The following NEMF variants were observed in gnomAD, a reference collection of about 807,000 sequenced individuals.
NEMF encodes the protein nuclear export mediator factor.
A neutral mutation model predicts 162.2 loss-of-function variants in NEMF; 89 were observed. The observed-to-expected ratio is 0.55, with a 90% confidence interval of 0.46 to 0.65. The LOEUF (loss-of-function observed/expected upper bound fraction) is 0.65. Ranked by LOEUF, NEMF falls within the 30% of genes least tolerant of loss-of-function variation. The probability of loss-of-function intolerance (pLI) is 0.00; values close to 1 mark genes in which losing one functional copy is unlikely to be tolerated. For missense variants in NEMF, 1,133 were observed against 1,261.9 expected (o/e 0.90, Z 1.55); for synonymous variants, 421 against 404.5 (o/e 1.04, Z -0.49).
intron 16 of NEMF, among the ~76,000 whole-genome samples, chr14:49,815,860 A>G (rs1013673204): frequency 3.4e-4 from 52 of 152,238 alleles, no homozygotes; most frequent in South Asian, 1.2e-3. Flanking sequence ...CCTACTCGGG[A>G]GGCTAAGGCA....
At position 49,833,516 on chromosome 14, in the gene NEMF, A is replaced by G. The variant is rs1566696961; in HGVS notation, c.662-20T>C. The G allele has an allele frequency of 2.0e-6, 3 of 1,517,434 alleles. No homozygotes were observed. Among genetic ancestry groups the G allele is most frequent in the Admixed American group, 1.9e-5 (1 of 53,532 alleles). 94.0% of individuals were successfully genotyped at this position (1,517,434 alleles called of 1,614,324 possible). On this transcript the variant is annotated intron_variant, in intron 7 of 32. Coordinates refer to ENST00000298310, the MANE Select transcript of NEMF (RefSeq NM_004713.6). ...CAATATCTAATGGTGGGGGAAAAAA[A>G]GGAAAAAAGGAGTGCCAATCAAGTG...
chr14:49,831,174 G>A (rs1217805991), intron 11 of NEMF, 125 bp downstream of exon 11: 3 of 587,240 alleles, frequency 5.1e-6, no homozygotes, highest in Non-Finnish European at 9.1e-6. Context: ...TAAATAAAGA[G>A]GCAGGTCAGA....
At chr14:49,793,458 T>G (rs1270260156) in intron 26 of NEMF, among the ~76,000 whole-genome samples, 2 of 152,150 alleles carry the variant, frequency 1.3e-5, no homozygotes, top group African/African-American at 4.8e-5. Flanking sequence ...GCGGGCAGAT[T>G]GCTCAGTTAT....
chr14:49,839,416 T>G (rs1893083185), intron 5 of NEMF: 1 of 152,168 alleles, frequency 6.6e-6, no homozygotes, highest in African/African-American at 2.4e-5. Context: ...ACTAGTTAAG[T>G]GAAGCAGTGG....
chr14:49,842,413 T>C lies in NEMF; in HGVS notation c.358-1547A>G, dbSNP rs759097585. Among the ~76,000 whole-genome samples the C allele has an allele frequency of 4.6e-5, 7 of 152,274 alleles. No homozygotes were observed. The East Asian group carries it at 5.8e-4, about 13-fold the overall frequency. On this transcript the variant is annotated intron_variant, in intron 4 of 32. Coordinates refer to ENST00000298310, the MANE Select transcript of NEMF (RefSeq NM_004713.6). The stretch of plus-strand genomic sequence containing the variant: ...AATTTAATATTGCTAGATAACCTTT[T>C]CAATAAAAAAGAAGGGGGAACATAA...
chr14:49,812,297 C>A (rs1891515662), intron 18 of NEMF, among the ~76,000 whole-genome samples: 1 of 151,908 alleles, frequency 6.6e-6, no homozygotes, highest in Admixed American at 6.6e-5. Context: ...GGATTTGAGT[C>A]CTCTATTTTC....
chr14:49,824,403 C>A (rs908309057), intron 16 of NEMF, among the ~76,000 whole-genome samples: 2 of 151,388 alleles, frequency 1.3e-5, no homozygotes, highest in African/African-American at 4.9e-5. Flanking sequence ...ATTAGCCAGG[C>A]GTGGTGGTGG....
chr14:49,797,966 G>A (rs563714396), intron 25 of NEMF, among the ~76,000 whole-genome samples: 5 of 152,198 alleles, frequency 3.3e-5, no homozygotes, highest in African/African-American at 7.2e-5. Context: ...CCCAAAATGC[G>A]CATGTCAGGT....
At chr14:49,788,561 T>C (rs1040824452) in intron 28 of NEMF, among the ~76,000 whole-genome samples, 4 of 147,774 alleles carry the variant, frequency 2.7e-5, no homozygotes, top group East Asian at 4.0e-4. Context: ...TCTCTCTCTT[T>C]TTTTTTTTTT....
At chr14:49,837,844 A>C (rs1892984188) in intron 6 of NEMF, among the ~76,000 whole-genome samples, 1 of 151,710 alleles carries the variant, frequency 6.6e-6, no homozygotes, top group Admixed American at 6.6e-5. Flanking sequence ...CCAAAAAAAA[A>C]CTAAGCTAAG....
intron 29 of NEMF, chr14:49,786,089 T>G (rs1349738409): frequency 2.0e-5 from 3 of 152,610 alleles, no homozygotes; most frequent in African/African-American, 4.8e-5. Context: ...TGTCTAGAGA[T>G]AGTTTTCGTT....
At chr14:49,810,503 G>C (rs1891426419) in intron 18 of NEMF, among the ~76,000 whole-genome samples, 1 of 152,136 alleles carries the variant, frequency 6.6e-6, no homozygotes, top group South Asian at 2.1e-4. Flanking sequence ...TCTATCCCTT[G>C]ATCTATTTGT....
At chr14:49,796,472 G>T in intron 25 of NEMF, 1 of 273,630 alleles carries the variant, frequency 3.7e-6, no homozygotes, top group Admixed American at 4.8e-5. Flanking sequence ...TACATACTCT[G>T]AATTTTTTTT....
intron 10 of NEMF, among the ~76,000 whole-genome samples, chr14:49,831,707 G>C (rs940929203): frequency 6.6e-6 from 1 of 152,180 alleles, no homozygotes; most frequent in African/African-American, 2.4e-5. Flanking sequence ...AAAATGCTGA[G>C]ATTATAGGCA....
At position 49,833,507 on chromosome 14, in the gene NEMF, G is replaced by A. The variant is rs371384047; in HGVS notation, c.662-11C>T. 2.0e-6 allele frequency: 3 copies of A among 1,538,038 alleles called. No homozygotes were observed. The highest frequency in any genetic ancestry group is 1.2e-5 in the South Asian group (1 of 82,484). On this transcript the variant is annotated splice_polypyrimidine_tract_variant and intron_variant, in intron 7 of 32. Coordinates refer to ENST00000298310, the MANE Select transcript of NEMF (RefSeq NM_004713.6). ...GTACTTTTTCAATATCTAATGGTGG[G>A]GGAAAAAAAGGAAAAAAGGAGTGCC...
chr14:49,793,310 A>G (rs1890540691), intron 26 of NEMF, among the ~76,000 whole-genome samples: 3 of 152,360 alleles, frequency 2.0e-5, no homozygotes, highest in South Asian at 2.1e-4. Flanking sequence ...TAAGTGCTCT[A>G]TAAGATTGCC....
At chr14:49,784,758 A>C in intron 32 of NEMF, 45 bp from the exon 33 acceptor site, 1 of 1,524,456 alleles carries the variant, frequency 6.6e-7, no homozygotes. Flanking sequence ...CTGTATGGTC[A>C]ATCATGTTTC....
chr14:49,785,055 G>C, intron 31 of NEMF, 37 bp downstream of exon 31: 1 of 1,606,782 alleles, frequency 6.2e-7, no homozygotes, highest in Non-Finnish European at 8.5e-7. Context: ...TCACTGAACT[G>C]TTTAAAATCA....
chr14:49,794,227 A>T (rs1890583690), intron 26 of NEMF, among the ~76,000 whole-genome samples: 1 of 152,168 alleles, frequency 6.6e-6, no homozygotes, highest in Non-Finnish European at 1.5e-5. Context: ...TTCCTTAGCT[A>T]TTCTCAAGCA....
Sources: gnomAD v4.1 joint callset for allele counts (sites outside exome capture counted in the v4.1 genomes callset) on GRCh38, gnomAD v4.1.1 for gene constraint, MANE v1.5 for transcripts, NCBI Gene and HGNC (gene_info 2026-07-23, HGNC 2026-07-21) for gene names.